Variants in MIB1 observed in about 807,000 individuals in gnomAD.
MIB1 encodes E3 ubiquitin-protein ligase MIB1.
A neutral mutation model predicts 124.5 loss-of-function variants in MIB1; 278 were observed. That is an observed-to-expected ratio of 2.23 (90% confidence interval 2.02 to 2.47). The LOEUF is 2.47. MIB1 is among the 30% of genes most tolerant of loss of function. The pLI, the probability that MIB1 is intolerant of heterozygous loss-of-function variation, is 0.00. For synonymous variants in MIB1, 446 were observed against 429.4 expected, an observed-to-expected ratio of 1.04 and a Z score of -0.48; for missense variants, 957 against 1,254.4, an observed-to-expected ratio of 0.76 and a Z score of 3.58.
intron 10 of MIB1, among the ~76,000 whole-genome samples, chr18:21,806,819 C>T (rs1021363508): frequency 5.3e-5 from 8 of 151,996 alleles, no homozygotes; most frequent in African/African-American, 1.7e-4. Flanking sequence ...GAAATGGTTT[C>T]ACCGTGTTAG....
chr18:21,823,841 A>G (rs1382222544), intron 12 of MIB1, among the ~76,000 whole-genome samples: 1 of 152,188 alleles, frequency 6.6e-6, no homozygotes, highest in African/African-American at 2.4e-5. Flanking sequence ...TTTCATCTAG[A>G]GTTTAGCCAT....
intron 1 of MIB1, among the ~76,000 whole-genome samples, chr18:21,759,091 C>A (rs544369955): frequency 6.6e-6 from 1 of 151,960 alleles, no homozygotes; most frequent in African/African-American, 2.4e-5. Flanking sequence ...TTCCCCTCCT[C>A]GCCTAAGGTA....
intron 9 of MIB1, among the ~76,000 whole-genome samples, chr18:21,803,003 A>G (rs767453579): frequency 1.3e-5 from 2 of 152,016 alleles, no homozygotes; most frequent in Admixed American, 6.6e-5. Context: ...CTTGTTACCT[A>G]TGATGTGCTT....
intron 12 of MIB1, among the ~76,000 whole-genome samples, chr18:21,835,156 T>A (rs1265667981): frequency 6.6e-6 from 1 of 152,244 alleles, no homozygotes; most frequent in Non-Finnish European, 1.5e-5. Flanking sequence ...TTTAGTCTCA[T>A]GTTCTTTTAA....
intron 1 of MIB1, among the ~76,000 whole-genome samples, chr18:21,742,941 T>G (rs1405739819): frequency 6.6e-6 from 1 of 152,162 alleles, no homozygotes; most frequent in Non-Finnish European, 1.5e-5. Flanking sequence ...TTAAAAACAT[T>G]TATTAAAAAA....
chr18:21,798,407 A>C lies in MIB1; in HGVS notation c.1237+179A>C, dbSNP rs548155748. ...TTCACTAAAAATTTTTGTTTTTTAT[A>C]ATGTGTTGAACAACCTTTATTCTGG... On this transcript the variant is annotated intron_variant, in intron 8 of 20. Coordinates refer to ENST00000261537, the MANE Select transcript of MIB1 (RefSeq NM_020774.4). 2.6e-5 allele frequency among the ~76,000 whole-genome samples: 4 copies of C among 152,208 alleles called. No homozygotes were observed. The East Asian group carries it at 7.7e-4, about 29-fold the overall frequency.
rs752477868 is a variant in MIB1 at position 21,765,945 on chromosome 18, T to C, written c.401+2T>C. ...AATTACTACACCGGGAAGTGAGAGGTAGGGAGAACCCTTTTCTTCTTCAAC... is the reference window on the plus strand; with the variant it reads ...AATTACTACACCGGGAAGTGAGAGGCAGGGAGAACCCTTTTCTTCTTCAAC... On this transcript the variant is annotated splice_donor_variant, in intron 2 of 20. Transcript: ENST00000261537. LOFTEE classifies it high-confidence loss of function. 3.7e-6 allele frequency: 6 copies of C among 1,613,718 alleles called. No homozygotes were observed. Among genetic ancestry groups the C allele is most frequent in the South Asian group, 2.2e-5 (2 of 91,062 alleles).
chr18:21,735,848 A>G (rs1407013540), upstream of MIB1, among the ~76,000 whole-genome samples: 1 of 152,218 alleles, frequency 6.6e-6, no homozygotes. Context: ...TGGGCAGGGC[A>G]TCTCTGAAAA....
At chr18:21,785,180 G>T (rs2146434628) in intron 6 of MIB1, among the ~76,000 whole-genome samples, 1 of 152,168 alleles carries the variant, frequency 6.6e-6, no homozygotes, top group African/African-American at 2.4e-5. Context: ...TGACTTGTGT[G>T]ACCTTACCTA....
At chr18:21,750,148 G>T (rs574148045) in intron 1 of MIB1, among the ~76,000 whole-genome samples, 9 of 150,616 alleles carry the variant, frequency 6.0e-5, no homozygotes, top group African/African-American at 2.0e-4. Flanking sequence ...TTATTTTTTT[G>T]AGGTGGAGTC....
In MIB1 at chr18:21,717,156, G is replaced by C. The variant is rs182059700; in HGVS notation, n.167+12033G>C. Among the ~76,000 whole-genome samples the C allele has an allele frequency of 5.5e-4, 83 of 152,230 alleles. No homozygotes were observed. In the Middle Eastern group the frequency reaches 0.014, roughly 25 times the overall value. ...AGCAAACAAAAAGAAAGTGGGGAAAGGACAACCTATTCAACAAATGGTGCA... is the reference window on the plus strand; with the variant it reads ...AGCAAACAAAAAGAAAGTGGGGAAACGACAACCTATTCAACAAATGGTGCA... On this transcript the variant is annotated intron_variant and non_coding_transcript_variant, in intron 1 of 20. Transcript: ENST00000578646.
intron 1 of MIB1, among the ~76,000 whole-genome samples, chr18:21,748,949 C>T (rs1418032007): frequency 6.6e-6 from 1 of 151,530 alleles, no homozygotes; most frequent in Non-Finnish European, 1.5e-5. Context: ...GCTGTATCAC[C>T]CAGGCTGGTC....
At position 21,741,834 on chromosome 18, in the gene MIB1, A is replaced by G. The variant is rs777223454; in HGVS notation, c.229+22A>G. 75 of 1,553,538 alleles carry G rather than the reference A, an allele frequency of 4.8e-5. No homozygotes were observed. Among genetic ancestry groups the G allele is most frequent in the East Asian group, 9.5e-5 (4 of 42,042 alleles). On this transcript the variant is annotated intron_variant, in intron 1 of 20. Coordinates refer to ENST00000261537, the MANE Select transcript of MIB1 (RefSeq NM_020774.4). The surrounding 1 kb of genome is among the most constrained non-coding windows in gnomAD (Gnocchi z 5.4). ...ACCGGTAAGCCGCGGCCACCTGGCC[A>G]GGGCTTGCGCGCGCGGGGGGAAGGG...
At chr18:21,705,555 A>AAG (rs5823307) in intron 1 of MIB1, among the ~76,000 whole-genome samples, 152,314 of 152,350 alleles carry the variant, frequency 1, 76,139 homozygotes, top group Middle Eastern at 1. Flanking sequence ...AAATGGTTAG[A>AAG]ATTTAATAGC....
chr18:21,764,465 T>G (rs2041132912), intron 1 of MIB1, among the ~76,000 whole-genome samples: 1 of 152,190 alleles, frequency 6.6e-6, no homozygotes, highest in Non-Finnish European at 1.5e-5. Context: ...TGTACTCTAG[T>G]TTTTACATAT....
At chr18:21,744,495 T>A (rs977578887) in intron 1 of MIB1, among the ~76,000 whole-genome samples, 2 of 152,192 alleles carry the variant, frequency 1.3e-5, no homozygotes, top group Non-Finnish European at 2.9e-5. Flanking sequence ...TATTCAAATT[T>A]TATTTATTCA....
chr18:21,721,159 G>GTTTGGTTTTT (rs2040712847), intron 1 of MIB1, among the ~76,000 whole-genome samples: 1 of 29,758 alleles, frequency 3.4e-5, no homozygotes, highest in African/African-American at 9.6e-5. Flanking sequence ...TTTTAAAGAA[G>GTTTGGTTTTT]TTTTTTTTTT....
intron 10 of MIB1, among the ~76,000 whole-genome samples, chr18:21,813,832 G>A (rs774958666): frequency 3.3e-5 from 5 of 152,040 alleles, no homozygotes; most frequent in African/African-American, 4.8e-5. Flanking sequence ...CAGTGGTATT[G>A]GGAATCGGAA....
chr18:21,772,069 A>G (rs2041229927), intron 3 of MIB1, among the ~76,000 whole-genome samples: 1 of 152,240 alleles, frequency 6.6e-6, no homozygotes, highest in African/African-American at 2.4e-5. Flanking sequence ...CTAAATTACT[A>G]ACAATTTAAA....
Sources: gnomAD v4.1 joint callset for allele counts (sites outside exome capture counted in the v4.1 genomes callset) on GRCh38, gnomAD v4.1.1 for gene constraint, Gnocchi (gnomAD v3.1) non-coding constraint, MANE v1.5 for transcripts, NCBI Gene and HGNC (gene_info 2026-07-23, HGNC 2026-07-21) for gene names.